Variants in CHSY3 observed in about 807,000 individuals in gnomAD.
CHSY3 encodes chondroitin sulfate synthase 3, also known as N-acetylgalactosaminyl-proteoglycan 3-beta-glucuronosyltransferase 3.
CHSY3 carries 35 observed loss-of-function variants against 67.2 expected under a neutral mutation model. The ratio of observed to expected loss-of-function variants is 0.52; its 90% CI spans 0.40 to 0.69. The LOEUF (loss-of-function observed/expected upper bound fraction) is 0.69, where lower values mean the gene tolerates loss of function less well. Ranked by LOEUF, CHSY3 falls within the 30% of genes least tolerant of loss-of-function variation. The probability of loss-of-function intolerance (pLI) is 0.00; values close to 1 mark genes in which losing one functional copy is unlikely to be tolerated. For synonymous variants in CHSY3, 474 were observed against 434.7 expected, an observed-to-expected ratio of 1.09 and a Z score of -1.12; for missense variants, 1,069 against 1,138.5, an observed-to-expected ratio of 0.94 and a Z score of 0.88.
At chr5:130,086,870 G>T (rs1304144875) in intron 2 of CHSY3, among the ~76,000 whole-genome samples, 2 of 151,888 alleles carry the variant, frequency 1.3e-5, no homozygotes, top group Non-Finnish European at 2.9e-5. Context: ...CATTTTATGA[G>T]GCCAGCATCA....
chr5:129,997,023 T>C (rs1313720990), intron 2 of CHSY3, among the ~76,000 whole-genome samples: 1 of 152,082 alleles, frequency 6.6e-6, no homozygotes, highest in Non-Finnish European at 1.5e-5. Context: ...CTTCTGTCAA[T>C]ACTTGGTTGT....
intron 2 of CHSY3, among the ~76,000 whole-genome samples, chr5:129,946,536 C>T (rs931941646): frequency 3.9e-5 from 6 of 152,080 alleles, no homozygotes; most frequent in Admixed American, 2.6e-4. Context: ...AGTTACTATG[C>T]TATACATTAG....
chr5:129,932,103 C>CATATATATATATATATATAT (rs33960181), intron 2 of CHSY3, among the ~76,000 whole-genome samples: 11 of 115,022 alleles, frequency 9.6e-5, no homozygotes, highest in African/African-American at 1.5e-4. Context: ...ACCATAAAAC[C>CATATATATATATATATATAT]ATATATATAT....
At chr5:130,156,463 C>A (rs1256882914) in intron 2 of CHSY3, among the ~76,000 whole-genome samples, 1 of 152,162 alleles carries the variant, frequency 6.6e-6, no homozygotes, top group Non-Finnish European at 1.5e-5. Context: ...TCGCAGCATA[C>A]CTGTGAGATG....
At chr5:129,917,638 T>C (rs1760772761) in intron 2 of CHSY3, among the ~76,000 whole-genome samples, 1 of 152,264 alleles carries the variant, frequency 6.6e-6, no homozygotes, top group Non-Finnish European at 1.5e-5. Flanking sequence ...ATTTTCCAGC[T>C]TATAATGTTT....
At chr5:130,005,709 AT>A (rs1763856238) in intron 2 of CHSY3, among the ~76,000 whole-genome samples, 1 of 152,176 alleles carries the variant, frequency 6.6e-6, no homozygotes, top group African/African-American at 2.4e-5. Flanking sequence ...TTATATTCGA[AT>A]CTGCAGTGAG....
Position 129,905,246 on chromosome 5 carries a change from G to T in CHSY3, c.417G>T (p.Gly139=). ...AAEGEPEEED[G]GAAGQRRDGR... is the part of the protein sequence containing the mutation. Reference sequence around the variant, plus strand: ...AGGGGGAGCCCGAGGAGGAGGACGGGGGCGCGGCTGGGCAGCGGAGAGACG... The same window carrying T: ...AGGGGGAGCCCGAGGAGGAGGACGGTGGCGCGGCTGGGCAGCGGAGAGACG... Residue 139 remains glycine (G), a synonymous_variant, in exon 1 of 3, where the codon GGG becomes GGT. Coordinates refer to ENST00000305031, the MANE Select transcript of CHSY3 (RefSeq NM_175856.5). 8 of 1,456,048 alleles carry T rather than the reference G, an allele frequency of 5.5e-6. No homozygotes were observed. The highest frequency in any genetic ancestry group is 7.2e-6 in the Non-Finnish European group (8 of 1,106,854). 90.2% of individuals were successfully genotyped at this position (1,456,048 alleles called of 1,614,324 possible).
intron 2 of CHSY3, among the ~76,000 whole-genome samples, chr5:130,160,760 G>A (rs1294163450): frequency 3.3e-5 from 5 of 152,076 alleles, no homozygotes; most frequent in African/African-American, 9.7e-5. Flanking sequence ...TGCCAAATGA[G>A]GGTTCAGTGG....
intron 2 of CHSY3, among the ~76,000 whole-genome samples, chr5:129,918,383 C>T (rs1444680438): frequency 6.6e-6 from 1 of 152,060 alleles, no homozygotes; most frequent in South Asian, 2.1e-4. Context: ...CTCTGATGGA[C>T]GAAGGTATCA....
At chr5:130,117,809 C>G (rs1373121837) in intron 2 of CHSY3, among the ~76,000 whole-genome samples, 1 of 152,240 alleles carries the variant, frequency 6.6e-6, no homozygotes, top group East Asian at 1.9e-4. Context: ...CTCAGAATAA[C>G]ACTGCTGCAT....
chr5:130,146,270 T>TA (rs972761777), intron 2 of CHSY3, among the ~76,000 whole-genome samples: 6 of 152,134 alleles, frequency 3.9e-5, no homozygotes, highest in Non-Finnish European at 8.8e-5. Flanking sequence ...TATCTAGCCA[T>TA]AAAAAAGAAT....
At chr5:130,029,453 G>C (rs1764646279) in intron 2 of CHSY3, among the ~76,000 whole-genome samples, 1 of 151,928 alleles carries the variant, frequency 6.6e-6, no homozygotes, top group African/African-American at 2.4e-5. Flanking sequence ...ATAGAATATA[G>C]ACTGTCTGCC....
intron 2 of CHSY3, among the ~76,000 whole-genome samples, chr5:129,921,202 C>A (rs1408543984): frequency 6.6e-6 from 1 of 152,136 alleles, no homozygotes; most frequent in Non-Finnish European, 1.5e-5. Flanking sequence ...ACCAAAATTG[C>A]CAGCATCGCT....
intron 2 of CHSY3, among the ~76,000 whole-genome samples, chr5:130,118,978 G>A (rs921071102): frequency 1.3e-5 from 2 of 152,114 alleles, no homozygotes; most frequent in Admixed American, 6.6e-5. Context: ...TGAGGAGGGA[G>A]CATATAATTT....
intron 2 of CHSY3, among the ~76,000 whole-genome samples, chr5:130,111,665 C>G (rs1046000762): frequency 2.6e-5 from 4 of 152,008 alleles, no homozygotes; most frequent in Non-Finnish European, 5.9e-5. Context: ...AGGCTTCAGC[C>G]TACATCAAAT....
intron 2 of CHSY3, among the ~76,000 whole-genome samples, chr5:129,994,426 T>A (rs556277302): frequency 2.0e-5 from 3 of 152,152 alleles, no homozygotes; most frequent in Non-Finnish European, 2.9e-5. Flanking sequence ...TATTCTTTTT[T>A]CTCTAAACTT....
chr5:130,156,330 A>T (rs559528154), intron 2 of CHSY3, among the ~76,000 whole-genome samples: 3 of 152,298 alleles, frequency 2.0e-5, no homozygotes, highest in African/African-American at 7.2e-5. Context: ...TGTGCAAGGC[A>T]TTTCATCATC....
chr5:130,185,052 T>A lies in CHSY3; in HGVS notation c.1910T>A (p.Phe637Tyr). 6.2e-7 allele frequency: 1 copy of A among 1,602,452 alleles called. No homozygotes were observed. The highest frequency in any genetic ancestry group is 1.7e-5 in the Admixed American group (1 of 59,994). ...GGAAGGTATGACATTTTCTTGAGAT[T>A]CATGGAGAACTTTGAAAACATGTGT... is the stretch of plus-strand genomic sequence containing the variant. ...LIGRYDIFLR[F>Y]MENFENMCLI... Residue 637 changes from phenylalanine (F) to tyrosine (Y), a missense_variant, in exon 3 of 3, where the codon TTC becomes TAC. Physicochemically the swap from Phe to Tyr is conservative, Grantham distance 22. Transcript: ENST00000305031.
At chr5:130,157,697 G>A (rs972137182) in intron 2 of CHSY3, among the ~76,000 whole-genome samples, 2 of 152,200 alleles carry the variant, frequency 1.3e-5, no homozygotes, top group African/African-American at 2.4e-5. Context: ...GAGCAAGAAA[G>A]AATTCGAGGT....
Sources: gnomAD v4.1 joint callset for allele counts (sites outside exome capture counted in the v4.1 genomes callset) on GRCh38, gnomAD v4.1.1 for gene constraint, MANE v1.5 for transcripts, NCBI Gene and HGNC (gene_info 2026-07-23, HGNC 2026-07-21) for gene names.